Variants in GRK4 observed in about 807,000 individuals in gnomAD.
GRK4 encodes G protein-coupled receptor kinase 4, also known as G protein-coupled receptor kinase 2-like.
In GRK4, 73 loss-of-function variants were observed where a neutral mutation model predicts 77.9. The ratio of observed to expected loss-of-function variants is 0.94; its 90% CI spans 0.78 to 1.14. The LOEUF (loss-of-function observed/expected upper bound fraction) is 1.14. Ranked by LOEUF, GRK4 falls within the 50% of genes most tolerant of loss-of-function variation. The pLI, the probability that GRK4 is intolerant of heterozygous loss-of-function variation, is 0.00. For missense variants in GRK4, 729 were observed against 700.2 expected (o/e 1.04, Z -0.46); for synonymous variants, 257 against 254.4 (o/e 1.01, Z -0.10).
chr4:3,013,784 C>G lies in GRK4; in HGVS notation c.697C>G (p.Leu233Val), dbSNP rs368284634. 29 of 1,611,986 alleles carry G rather than the reference C, an allele frequency of 1.8e-5. No individual in the cohort carries two copies. The highest frequency in any genetic ancestry group is 3.4e-5 in the Admixed American group (2 of 59,596). Residue 233 changes from leucine to valine, a missense_variant, in exon 8 of 16, where the codon CTA becomes GTA. By Grantham distance (32) the Leu-to-Val change is conservative (BLOSUM62 1). Transcript: ENST00000398052. ...GAAGAGGAAAGGTGAAGCTATGGCT[C>G]TAAATGAGAAAAGAATTCTGGAGAA... ...IKKRKGEAMA[L>V]NEKRILEKVQ... is the part of the protein sequence containing the mutation.
At chr4:2,966,441 T>C (rs1717735426) in intron 1 of GRK4, 1 of 152,162 alleles carries the variant, frequency 6.6e-6, no homozygotes, top group Non-Finnish European at 1.5e-5. Flanking sequence ...GTTTTAATTT[T>C]TTCCCTGAAA....
chr4:2,966,597 A>G (rs1321541455), intron 1 of GRK4: 2 of 152,164 alleles, frequency 1.3e-5, no homozygotes, highest in Non-Finnish European at 2.9e-5. Context: ...ATATACATGG[A>G]TACATGCTGA....
intron 1 of GRK4, among the ~76,000 whole-genome samples, chr4:2,967,841 A>G (rs1560334824): frequency 6.6e-6 from 1 of 151,760 alleles, no homozygotes; most frequent in Non-Finnish European, 1.5e-5. Flanking sequence ...CTGGAGTGCA[A>G]TGGCGCAATC....
In GRK4 at chr4:3,030,236, T is replaced by C. The variant is rs562253630; in HGVS notation, c.1269+827T>C. Among the ~76,000 whole-genome samples the C allele has an allele frequency of 2.6e-5, 4 of 151,924 alleles. No homozygotes were observed. In the South Asian group the frequency reaches 8.3e-4, roughly 32 times the overall value. ...TGAGGCTGACGGTGGCACCCGCGAG[T>C]CACAGCAAGGAGATGAGCCCCAAGC... On this transcript the variant is annotated intron_variant, in intron 12 of 15. Transcript: ENST00000398052.
At chr4:3,007,978 C>T (rs1359268263) in intron 6 of GRK4, 150 bp downstream of exon 6, 3 of 520,206 alleles carry the variant, frequency 5.8e-6, no homozygotes, top group East Asian at 6.2e-5. Flanking sequence ...ATAGCCACTG[C>T]ACTCCAACCT....
intron 11 of GRK4, 56 bp downstream of exon 11, chr4:3,028,057 C>T (rs544322152): frequency 3.2e-5 from 48 of 1,482,190 alleles, no homozygotes; most frequent in Non-Finnish European, 4.4e-5. Context: ...CTGAGTGCCT[C>T]AGAACACAGA....
intron 1 of GRK4, among the ~76,000 whole-genome samples, chr4:2,970,656 C>CAA (rs929303208): frequency 3.3e-5 from 4 of 120,084 alleles, no homozygotes; most frequent in Admixed American, 8.5e-5. Flanking sequence ...GACTCCATCT[C>CAA]AAAAAAAAAA....
At chr4:2,989,009 C>A (rs1464677212) in intron 3 of GRK4, among the ~76,000 whole-genome samples, 170 bp downstream of exon 3, 1 of 152,114 alleles carries the variant, frequency 6.6e-6, no homozygotes, top group African/African-American at 2.4e-5. Flanking sequence ...ACAGTGAAAC[C>A]CGTCTCTACT....
chr4:3,034,681 A>G (rs3021125), intron 12 of GRK4, among the ~76,000 whole-genome samples: 6,887 of 152,312 alleles, frequency 0.045, 251 homozygotes, highest in African/African-American at 0.098. Context: ...AATATACTAG[A>G]ATACCAAAAT....
chr4:3,006,415 C>A (rs1731353682), intron 5 of GRK4, among the ~76,000 whole-genome samples: 2 of 151,660 alleles, frequency 1.3e-5, no homozygotes, highest in Non-Finnish European at 2.9e-5. Flanking sequence ...AATTTCAAGT[C>A]ATCTTACTTA....
At chr4:3,006,240 A>G (rs6854307) in intron 5 of GRK4, among the ~76,000 whole-genome samples, 10,214 of 151,788 alleles carry the variant, frequency 0.067, 681 homozygotes, top group African/African-American at 0.17. Context: ...TTAGCCAGGC[A>G]TGGTGGCACA....
chr4:3,030,900 G>A (rs1036467492), intron 12 of GRK4, among the ~76,000 whole-genome samples: 1 of 152,158 alleles, frequency 6.6e-6, no homozygotes. Context: ...TGGGCTTGCC[G>A]GCCACTGGGA....
intron 13 of GRK4, among the ~76,000 whole-genome samples, chr4:3,036,710 A>T (rs1740743557): frequency 6.6e-6 from 1 of 152,154 alleles, no homozygotes; most frequent in African/African-American, 2.4e-5. Context: ...GTCCCAGAGG[A>T]GGGACCTGCT....
chr4:2,983,185 A>T (rs983432662), intron 1 of GRK4, among the ~76,000 whole-genome samples: 1 of 152,244 alleles, frequency 6.6e-6, no homozygotes, highest in Non-Finnish European at 1.5e-5. Flanking sequence ...TTCTGAGCTC[A>T]TCCCAGTCTA....
intron 5 of GRK4, among the ~76,000 whole-genome samples, chr4:3,007,027 T>A (rs998552668): frequency 6.6e-6 from 1 of 152,092 alleles, no homozygotes; most frequent in African/African-American, 2.4e-5. Flanking sequence ...CTAAGTGACA[T>A]GTAATAGTAA....
intron 6 of GRK4, among the ~76,000 whole-genome samples, chr4:3,008,283 A>G (rs1560442818): frequency 6.6e-6 from 1 of 152,220 alleles, no homozygotes; most frequent in Non-Finnish European, 1.5e-5. Flanking sequence ...TTTTAGTGCT[A>G]GAATAGGATG....
chr4:3,028,578 G>A (rs1169870663), intron 11 of GRK4, among the ~76,000 whole-genome samples: 1 of 152,186 alleles, frequency 6.6e-6, no homozygotes, highest in Non-Finnish European at 1.5e-5. Flanking sequence ...GCCTTCCCTA[G>A]ACCACCATTT....
intron 4 of GRK4, among the ~76,000 whole-genome samples, chr4:2,994,618 TTA>T (rs1727252671): frequency 6.6e-6 from 1 of 152,122 alleles, no homozygotes; most frequent in African/African-American, 2.4e-5. Context: ...AAAGAAATAA[TTA>T]TAAAGAAAAA....
At position 2,978,263 on chromosome 4, in the gene GRK4, G is replaced by T. The variant is rs576389810; in HGVS notation, c.53-6250G>T. On this transcript the variant is annotated intron_variant, in intron 1 of 15. Transcript: ENST00000398052. ...CATAGACTGTGGCTTCACACATTAAGCTAATTGATAATATGCTAAGTTTTT... is the reference window on the plus strand; with the variant it reads ...CATAGACTGTGGCTTCACACATTAATCTAATTGATAATATGCTAAGTTTTT... 7.9e-5 allele frequency among the ~76,000 whole-genome samples: 12 copies of T among 152,302 alleles called. No homozygotes were observed. In the South Asian group the frequency reaches 2.5e-3, roughly 32 times the overall value.
Sources: allele counts gnomAD v4.1 joint callset (sites outside exome capture counted in the v4.1 genomes callset), GRCh38; gene constraint gnomAD v4.1.1; transcripts MANE v1.5; gene names NCBI Gene and HGNC (gene_info 2026-07-23, HGNC 2026-07-21).